DAB1: variants seen among roughly 807,000 people sequenced by gnomAD.
DAB1 encodes the protein DAB adaptor protein 1, also known as disabled homolog 1.
A neutral mutation model predicts 64.6 loss-of-function variants in DAB1; 15 were observed. That is an observed-to-expected ratio of 0.23 (90% CI 0.16 to 0.36). The LOEUF is 0.36. DAB1 is among the 10% of genes least tolerant of loss of function. DAB1 has a pLI of 1.00. For synonymous variants in DAB1, 235 were observed against 251.9 expected, an observed-to-expected ratio of 0.93 and a Z score of 0.64; for missense variants, 596 against 706.7, an observed-to-expected ratio of 0.84 and a Z score of 1.78.
intron 3 of DAB1, among the ~76,000 whole-genome samples, chr1:58,439,770 TAAACAATATGTTGAGGCCCGTCTGTATA>T (rs1469573069): frequency 6.6e-6 from 1 of 152,224 alleles, no homozygotes; most frequent in Non-Finnish European, 1.5e-5. Context: ...TGTGGATTCT[TAAACAATATGTTGAGGCCCGTCTGTATA>T]AAGCATTCAA....
intron 3 of DAB1, among the ~76,000 whole-genome samples, chr1:58,458,899 C>A (rs1053547957): frequency 2.6e-5 from 4 of 151,758 alleles, no homozygotes; most frequent in East Asian, 1.9e-4. Context: ...GTTTTTTTAA[C>A]CTCTCTGAGC....
intron 6 of DAB1, among the ~76,000 whole-genome samples, chr1:57,669,673 C>T (rs1237671973): frequency 6.6e-6 from 1 of 152,090 alleles, no homozygotes; most frequent in Non-Finnish European, 1.5e-5. Context: ...TAATAACATC[C>T]CCCATTTCCA....
intron 6 of DAB1, among the ~76,000 whole-genome samples, chr1:57,706,934 C>G (rs1056212671): frequency 6.6e-6 from 1 of 151,852 alleles, no homozygotes; most frequent in South Asian, 2.1e-4. Context: ...ATTAGCCGGG[C>G]GTGGTGGCAG....
intron 3 of DAB1, among the ~76,000 whole-genome samples, chr1:58,420,594 C>T (rs771437002): frequency 2.6e-5 from 4 of 152,134 alleles, no homozygotes; most frequent in African/African-American, 4.8e-5. Flanking sequence ...CATTTTTTAG[C>T]GCCTTGCCTT....
chr1:57,198,608 ACTCT>A (rs1664822907), intron 2 of DAB1, among the ~76,000 whole-genome samples: 1 of 129,452 alleles, frequency 7.7e-6, no homozygotes, highest in African/African-American at 3.0e-5. Flanking sequence ...TCCTGGCTTA[ACTCT>A]CTCTCTTCCT....
intron 6 of DAB1, among the ~76,000 whole-genome samples, chr1:57,752,159 T>A (rs1337659599): frequency 6.6e-6 from 1 of 152,254 alleles, no homozygotes; most frequent in East Asian, 1.9e-4. Context: ...TCCGCTCATA[T>A]AATTTCTGGT....
intron 1 of DAB1, among the ~76,000 whole-genome samples, chr1:57,323,116 G>A (rs1327899258): frequency 6.6e-6 from 1 of 152,098 alleles, no homozygotes; most frequent in Non-Finnish European, 1.5e-5. Flanking sequence ...CACAGGTTGA[G>A]TAGAAAGGGC....
At chr1:57,577,064 A>T (rs562379550) in intron 7 of DAB1, among the ~76,000 whole-genome samples, 1 of 152,318 alleles carries the variant, frequency 6.6e-6, no homozygotes, top group South Asian at 2.1e-4. Flanking sequence ...CTGCACAATA[A>T]TTGTCTGCAT....
At chr1:57,131,796 A>G (rs1657670947) in intron 4 of DAB1, among the ~76,000 whole-genome samples, 2 of 152,080 alleles carry the variant, frequency 1.3e-5, no homozygotes, top group African/African-American at 4.8e-5. Flanking sequence ...CTCACCTCCT[A>G]CCTGTTATGC....
intron 2 of DAB1, among the ~76,000 whole-genome samples, chr1:57,257,963 T>A (rs185577448): frequency 6.6e-6 from 1 of 152,330 alleles, no homozygotes; most frequent in East Asian, 1.9e-4. Flanking sequence ...CTTAGTTTAA[T>A]CACACCTGCA....
intron 6 of DAB1, among the ~76,000 whole-genome samples, chr1:57,785,208 C>CA (rs1278250013): frequency 6.6e-6 from 1 of 152,048 alleles, no homozygotes; most frequent in Non-Finnish European, 1.5e-5. Flanking sequence ...AGATATCTTT[C>CA]AAAAAAATTA....
At chr1:57,351,823 T>A (rs1678612864) in intron 1 of DAB1, among the ~76,000 whole-genome samples, 1 of 152,084 alleles carries the variant, frequency 6.6e-6, no homozygotes, top group African/African-American at 2.4e-5. Flanking sequence ...ACAATGAATT[T>A]GGATAAAACA....
intron 1 of DAB1, among the ~76,000 whole-genome samples, chr1:57,343,521 C>T (rs1570326368): frequency 1.3e-5 from 2 of 152,340 alleles, no homozygotes; most frequent in Non-Finnish European, 1.5e-5. Context: ...ATTGGGGAGG[C>T]TCCGCCGCAC....
At chr1:57,593,973 G>A (rs1034956547) in intron 7 of DAB1, among the ~76,000 whole-genome samples, 2 of 152,198 alleles carry the variant, frequency 1.3e-5, no homozygotes, top group Admixed American at 1.3e-4. Context: ...AACTGGCCAA[G>A]CCTGGGTTGT....
At chr1:57,267,364 G>A (rs950825001) in intron 2 of DAB1, among the ~76,000 whole-genome samples, 5 of 152,172 alleles carry the variant, frequency 3.3e-5, no homozygotes, top group African/African-American at 7.2e-5. Flanking sequence ...CTCAGTTTGT[G>A]ATAATGTGTT....
At position 57,492,929 on chromosome 1, in the gene DAB1, G is replaced by A. The variant is rs181335320; in HGVS notation, n.625+156663C>T. Among the ~76,000 whole-genome samples, 70 of 152,102 alleles carry A rather than the reference G, an allele frequency of 4.6e-4. 1 individual carries two copies. In the East Asian group the frequency reaches 0.014, roughly 29 times the overall value. Reference sequence around the variant, plus strand: ...TCAAATTTTTTTCAGACTTAATTCAGGCATCTGCAGCACATTGTTCATGAA... The same window carrying A: ...TCAAATTTTTTTCAGACTTAATTCAAGCATCTGCAGCACATTGTTCATGAA... On this transcript the variant is annotated intron_variant and non_coding_transcript_variant, in intron 7 of 20. Coordinates refer to the DAB1 transcript ENST00000485760.
intron 7 of DAB1, among the ~76,000 whole-genome samples, chr1:57,604,513 C>T (rs1339207046): frequency 3.3e-5 from 5 of 152,090 alleles, no homozygotes; most frequent in African/African-American, 7.2e-5. Context: ...GTTATTCCAG[C>T]GGAGATCTCA....
In DAB1 at chr1:57,071,135, A is replaced by G. The variant is rs1217260617; in HGVS notation, c.559-74T>C. On this transcript the variant is annotated intron_variant, in intron 6 of 14. Transcript: ENST00000371236. ...AAGAGATGTGAGACTGCATTCAGAA[A>G]TTACAGGACAGTAAAGAAACCAGCT... is the stretch of plus-strand genomic sequence containing the variant. 8 of 1,390,122 alleles carry G rather than the reference A, an allele frequency of 5.8e-6. No homozygotes were observed. The Admixed American group carries it at 1.4e-4, about 24-fold the overall frequency. The allele number at this position is 1,390,122 out of a possible 1,614,324, so 86.1% of individuals were successfully genotyped here.
chr1:58,213,064 T>C (rs1001971787), intron 4 of DAB1, among the ~76,000 whole-genome samples: 22 of 152,124 alleles, frequency 1.4e-4, no homozygotes, highest in Non-Finnish European at 1.0e-4. Context: ...GTTTTTCAGA[T>C]CAGTATTTTA....
Sources: gnomAD v4.1 joint callset for allele counts (sites outside exome capture counted in the v4.1 genomes callset) on GRCh38, gnomAD v4.1.1 for gene constraint, MANE v1.5 for transcripts, NCBI Gene and HGNC (gene_info 2026-07-23, HGNC 2026-07-21) for gene names.